ADGRL3: variants seen among roughly 807,000 people sequenced by gnomAD.
ADGRL3 encodes adhesion G protein-coupled receptor L3.
ADGRL3 carries 62 observed loss-of-function variants against 153.5 expected under a neutral mutation model. The observed-to-expected ratio is 0.40, with a 90% CI of 0.33 to 0.50. ADGRL3 has a LOEUF of 0.50. ADGRL3 is among the 20% of genes least tolerant of loss of function. The pLI, the probability that ADGRL3 is intolerant of heterozygous loss-of-function variation, is 0.47. For synonymous variants in ADGRL3, 710 were observed against 672.5 expected, an observed-to-expected ratio of 1.06 and a Z score of -0.86; for missense variants, 1,641 against 1,859.4, an observed-to-expected ratio of 0.88 and a Z score of 2.16.
chr4:61,711,769 G>T (rs1180475360), intron 6 of ADGRL3, among the ~76,000 whole-genome samples: 1 of 151,772 alleles, frequency 6.6e-6, no homozygotes, highest in Non-Finnish European at 1.5e-5. Context: ...TGAATCGTTG[G>T]CTGTCTGTGG....
chr4:61,832,819 T>C lies in ADGRL3; in HGVS notation c.1480+18930T>C, dbSNP rs1300084392. Among the ~76,000 whole-genome samples the C allele has an allele frequency of 5.9e-5, 9 of 151,674 alleles. No individual in the cohort carries two copies. In the East Asian group the frequency reaches 1.2e-3, roughly 20 times the overall value. On this transcript the variant is annotated intron_variant, in intron 9 of 26. Transcript: ENST00000683033. ...TCTCTCTGTTTTCTTTTTCTTTTTT[T>C]TTTTTTTTTAAGAGAAGGGGTCTAT... is the stretch of plus-strand genomic sequence containing the variant.
intron 1 of ADGRL3, among the ~76,000 whole-genome samples, chr4:61,309,344 A>C (rs1438116773): frequency 6.6e-6 from 1 of 151,774 alleles, no homozygotes; most frequent in Non-Finnish European, 1.5e-5. Context: ...CACCTTTTTC[A>C]CTCCCTCTAT....
chr4:61,773,385 G>A (rs1387803899), intron 8 of ADGRL3, among the ~76,000 whole-genome samples: 1 of 151,770 alleles, frequency 6.6e-6, no homozygotes, highest in Non-Finnish European at 1.5e-5. Flanking sequence ...TGTCTCATTC[G>A]GCCTCAAGCT....
intron 1 of ADGRL3, among the ~76,000 whole-genome samples, chr4:61,372,479 G>T (rs968681852): frequency 2.0e-5 from 3 of 152,072 alleles, no homozygotes; most frequent in African/African-American, 7.2e-5. Context: ...GTCTGTTGGA[G>T]TACCCTGCAG....
intron 1 of ADGRL3, among the ~76,000 whole-genome samples, chr4:61,361,985 AAT>A (rs1183371661): frequency 6.7e-6 from 1 of 148,802 alleles, no homozygotes; most frequent in African/African-American, 2.4e-5. Context: ...TATATATAAA[AAT>A]ATATATATAA....
chr4:61,214,649 G>A (rs746042035), intron 1 of ADGRL3, among the ~76,000 whole-genome samples: 1 of 152,110 alleles, frequency 6.6e-6, no homozygotes, highest in Admixed American at 6.5e-5. Flanking sequence ...TAAGAGTTAG[G>A]TACAGGCTGG....
intron 1 of ADGRL3, among the ~76,000 whole-genome samples, chr4:61,318,614 C>T (rs568420756): frequency 6.6e-6 from 1 of 152,218 alleles, no homozygotes; most frequent in Non-Finnish European, 1.5e-5. Flanking sequence ...TGTGCTAGAG[C>T]CTTAACCCAG....
At chr4:61,388,970 C>A (rs1418360696) in intron 2 of ADGRL3, among the ~76,000 whole-genome samples, 1 of 152,212 alleles carries the variant, frequency 6.6e-6, no homozygotes, top group Admixed American at 6.5e-5. Flanking sequence ...CCACATTACA[C>A]AAAATTTGTT....
chr4:61,549,254 A>G (rs997669855), intron 4 of ADGRL3, among the ~76,000 whole-genome samples: 1 of 151,922 alleles, frequency 6.6e-6, no homozygotes, highest in African/African-American at 2.4e-5. Flanking sequence ...GTATAGAATC[A>G]TACTGCAAAC....
chr4:61,470,422 T>A (rs1227976905), intron 2 of ADGRL3, among the ~76,000 whole-genome samples: 3 of 152,114 alleles, frequency 2.0e-5, no homozygotes, highest in East Asian at 3.9e-4. Context: ...ACTGCCTTTT[T>A]TGTTGTTAGT....
At chr4:61,930,313 A>G (rs2098812718) in intron 13 of ADGRL3, among the ~76,000 whole-genome samples, 1 of 152,064 alleles carries the variant, frequency 6.6e-6, no homozygotes, top group South Asian at 2.1e-4. Context: ...GATTCTGCTT[A>G]CTTTCGTAGT....
chr4:61,971,118 C>G (rs2099025557), intron 17 of ADGRL3, among the ~76,000 whole-genome samples: 1 of 151,654 alleles, frequency 6.6e-6, no homozygotes, highest in Non-Finnish European at 1.5e-5. Flanking sequence ...GTTGAAGAGG[C>G]AATTTAATTT....
At chr4:61,891,922 A>C (rs2098589910) in intron 9 of ADGRL3, among the ~76,000 whole-genome samples, 8 of 152,222 alleles carry the variant, frequency 5.3e-5, no homozygotes. Flanking sequence ...TACCTAACAA[A>C]GAACCTAACT....
intron 4 of ADGRL3, among the ~76,000 whole-genome samples, chr4:61,576,525 C>G (rs1025252547): frequency 6.7e-6 from 1 of 149,434 alleles, no homozygotes; most frequent in Non-Finnish European, 1.5e-5. Context: ...TTAATGCATT[C>G]CTCATTTACC....
intron 4 of ADGRL3, among the ~76,000 whole-genome samples, chr4:61,525,147 A>AAG (rs2098552104): frequency 6.6e-6 from 1 of 151,468 alleles, no homozygotes; most frequent in Non-Finnish European, 1.5e-5. Context: ...GTCATATTTT[A>AAG]AAGAAGGAAA....
At chr4:62,029,539 T>C (rs945706580) in intron 22 of ADGRL3, among the ~76,000 whole-genome samples, 1 of 151,670 alleles carries the variant, frequency 6.6e-6, no homozygotes, top group Admixed American at 6.6e-5. Context: ...ATTTTTCGGA[T>C]GCATACTTTA....
At chr4:61,423,281 A>G (rs1009148669) in intron 2 of ADGRL3, among the ~76,000 whole-genome samples, 1 of 152,236 alleles carries the variant, frequency 6.6e-6, no homozygotes, top group Non-Finnish European at 1.5e-5. Flanking sequence ...ATTTCAGTAG[A>G]CAAACAGGAT....
At chr4:61,540,121 C>G (rs1579416674) in intron 4 of ADGRL3, among the ~76,000 whole-genome samples, 1 of 152,166 alleles carries the variant, frequency 6.6e-6, no homozygotes, top group Admixed American at 6.5e-5. Context: ...ACTACTACCC[C>G]TTTTACAAAT....
At chr4:61,995,236 C>T (rs6840111) in intron 19 of ADGRL3, among the ~76,000 whole-genome samples, 39,857 of 151,524 alleles carry the variant, frequency 0.26, 5,421 homozygotes, top group East Asian at 0.35. Flanking sequence ...TATTGACATA[C>T]GTAGATCTAC....
Sources: allele counts gnomAD v4.1 joint callset (sites outside exome capture counted in the v4.1 genomes callset), GRCh38; gene constraint gnomAD v4.1.1; transcripts MANE v1.5; gene names NCBI Gene and HGNC (gene_info 2026-07-23, HGNC 2026-07-21).